RASEF: variants seen among roughly 807,000 people sequenced by gnomAD.
RASEF encodes ras and EF-hand domain-containing protein.
A neutral mutation model predicts 90.1 loss-of-function variants in RASEF; 68 were observed. The ratio of observed to expected loss-of-function variants is 0.75; its 90% CI spans 0.62 to 0.92. The LOEUF (loss-of-function observed/expected upper bound fraction) is 0.92, where lower values mean the gene tolerates loss of function less well. Among genes scored for constraint, RASEF ranks in the 40% least tolerant of loss-of-function variants. The pLI is 0.00. For missense variants in RASEF, 949 were observed against 937.2 expected (o/e 1.01, Z -0.16); for synonymous variants, 331 against 345.2 (o/e 0.96, Z 0.46).
chr9:83,091,259 C>T, the RASEF span, among the ~76,000 whole-genome samples: 1 of 152,100 alleles, frequency 6.6e-6, no homozygotes, highest in Non-Finnish European at 1.5e-5. Flanking sequence ...TTTTAAAGTC[C>T]TTATGGACAT....
intron 6 of RASEF, among the ~76,000 whole-genome samples, chr9:83,008,935 T>TGA (rs1554706823): frequency 3.3e-5 from 4 of 122,330 alleles, no homozygotes; most frequent in Non-Finnish European, 5.2e-5. Context: ...TATATATATA[T>TGA]GACGTGGGCT....
At chr9:83,161,755 G>A in the RASEF span, among the ~76,000 whole-genome samples, 1 of 151,846 alleles carries the variant, frequency 6.6e-6, no homozygotes, top group African/African-American at 2.4e-5. Flanking sequence ...CAATTCCCAC[G>A]TGTTGTGAGA....
intron 12 of RASEF, 120 bp downstream of exon 12, chr9:83,000,049 G>T: frequency 5.1e-6 from 4 of 783,050 alleles, no homozygotes; most frequent in Non-Finnish European, 8.4e-6. Flanking sequence ...TTATATATGT[G>T]TGCATACACA....
At chr9:83,027,440 T>C (rs1192752588) in intron 1 of RASEF, among the ~76,000 whole-genome samples, 1 of 152,184 alleles carries the variant, frequency 6.6e-6, no homozygotes, top group Non-Finnish European at 1.5e-5. Context: ...GCTACCAGCC[T>C]TCTCACTACC....
At chr9:82,986,655 G>A (rs927591594) in intron 16 of RASEF, among the ~76,000 whole-genome samples, 3 of 152,152 alleles carry the variant, frequency 2.0e-5, no homozygotes, top group East Asian at 3.8e-4. Context: ...TCTACCATAC[G>A]CTTAACAACT....
the RASEF span, among the ~76,000 whole-genome samples, chr9:83,099,405 G>C: frequency 6.6e-6 from 1 of 152,168 alleles, no homozygotes; most frequent in African/African-American, 2.4e-5. Context: ...GAAAATCATA[G>C]GCGAGATCCT....
chr9:83,091,988 CTTT>C, the RASEF span, among the ~76,000 whole-genome samples: 2 of 30,076 alleles, frequency 6.6e-5, no homozygotes, highest in African/African-American at 2.1e-4. Flanking sequence ...TTTTTATATT[CTTT>C]TTCTTTTATT....
the RASEF span, among the ~76,000 whole-genome samples, chr9:83,206,654 A>C: frequency 6.6e-6 from 1 of 152,246 alleles, no homozygotes; most frequent in South Asian, 2.1e-4. Flanking sequence ...GTTTATGGAA[A>C]ATGAAGCCTA....
the RASEF span, among the ~76,000 whole-genome samples, chr9:83,079,550 C>T: frequency 4.6e-5 from 7 of 152,236 alleles, no homozygotes; most frequent in Admixed American, 1.3e-4. Flanking sequence ...GTGAGGAATC[C>T]GCCTCCATGA....
the RASEF span, among the ~76,000 whole-genome samples, chr9:83,192,605 A>C: frequency 3.3e-5 from 5 of 152,224 alleles, no homozygotes; most frequent in Admixed American, 3.3e-4. Context: ...AACTATTGAT[A>C]ACTAGGCTTA....
At chr9:83,076,061 T>C in the RASEF span, among the ~76,000 whole-genome samples, 1 of 151,218 alleles carries the variant, frequency 6.6e-6, no homozygotes, top group East Asian at 1.9e-4. Context: ...CCAGCTACTC[T>C]GGAGGCTGAG....
intron 9 of RASEF, among the ~76,000 whole-genome samples, chr9:83,002,183 C>T (rs1829052231): frequency 1.3e-5 from 2 of 152,034 alleles, no homozygotes; most frequent in Admixed American, 1.3e-4. Flanking sequence ...AGAATGGGCA[C>T]GATACATAGG....
the RASEF span, among the ~76,000 whole-genome samples, chr9:83,176,278 A>G: frequency 1.3e-5 from 2 of 152,040 alleles, no homozygotes; most frequent in Admixed American, 6.5e-5. Context: ...TTCTGTTTTA[A>G]TATCTGTTTG....
chr9:83,166,794 G>A, the RASEF span, among the ~76,000 whole-genome samples: 1 of 151,974 alleles, frequency 6.6e-6, no homozygotes, highest in East Asian at 1.9e-4. Context: ...ATTCACATTC[G>A]GCTGTAGTGC....
intron 1 of RASEF, among the ~76,000 whole-genome samples, chr9:83,044,973 C>T (rs1564087518): frequency 6.6e-6 from 1 of 152,186 alleles, no homozygotes; most frequent in Non-Finnish European, 1.5e-5. Context: ...GACCTTTTCA[C>T]CGGGACTGCA....
At chr9:83,112,135 A>G in the RASEF span, among the ~76,000 whole-genome samples, 1 of 152,146 alleles carries the variant, frequency 6.6e-6, no homozygotes, top group East Asian at 1.9e-4. Flanking sequence ...TCTTATTTAA[A>G]ATTATATATA....
chr9:83,095,041 G>A, the RASEF span, among the ~76,000 whole-genome samples: 1 of 152,064 alleles, frequency 6.6e-6, no homozygotes, highest in Non-Finnish European at 1.5e-5. Context: ...CCAATATCCC[G>A]GGAAAGGGCA....
the RASEF span, among the ~76,000 whole-genome samples, chr9:83,108,366 AC>A: frequency 4.6e-5 from 7 of 152,262 alleles, no homozygotes; most frequent in Non-Finnish European, 8.8e-5. Context: ...CCCCTGGACA[AC>A]CCTGTTTTTG....
chr9:82,986,479 C>T (rs764795549), intron 16 of RASEF, among the ~76,000 whole-genome samples: 2 of 152,186 alleles, frequency 1.3e-5, no homozygotes, highest in Non-Finnish European at 2.9e-5. Context: ...ATAATGCAGA[C>T]ATTATTGAAC....
Sources: allele counts gnomAD v4.1 joint callset (sites outside exome capture counted in the v4.1 genomes callset), GRCh38; gene constraint gnomAD v4.1.1; transcripts MANE v1.5; gene names NCBI Gene and HGNC (gene_info 2026-07-23, HGNC 2026-07-21).